FER: variants seen among roughly 807,000 people sequenced by gnomAD.
FER encodes the protein FER tyrosine kinase, also known as tyrosine-protein kinase Fer.
A neutral mutation model predicts 111.0 loss-of-function variants in FER; 63 were observed. The ratio of observed to expected loss-of-function variants is 0.57; its 90% CI spans 0.46 to 0.70. The LOEUF is 0.70. Among genes scored for constraint, FER ranks in the 30% least tolerant of loss-of-function variants. The pLI, the probability that FER is intolerant of heterozygous loss-of-function variation, is 0.00. For synonymous variants in FER, 327 were observed against 313.9 expected, an observed-to-expected ratio of 1.04 and a Z score of -0.44; for missense variants, 914 against 954.0, an observed-to-expected ratio of 0.96 and a Z score of 0.55.
intron 13 of FER, among the ~76,000 whole-genome samples, chr5:109,007,134 G>A (rs1765601768): frequency 6.6e-6 from 1 of 152,090 alleles, no homozygotes; most frequent in Non-Finnish European, 1.5e-5. Flanking sequence ...TAATTACATT[G>A]TCTATTGATA....
intron 13 of FER, among the ~76,000 whole-genome samples, chr5:109,001,512 C>A (rs1002486314): frequency 3.9e-5 from 6 of 152,198 alleles, no homozygotes; most frequent in Non-Finnish European, 8.8e-5. Flanking sequence ...CTATGACAAA[C>A]CCACTGCCAA....
At chr5:108,893,494 C>T (rs538180917) in intron 9 of FER, among the ~76,000 whole-genome samples, 2 of 151,952 alleles carry the variant, frequency 1.3e-5, no homozygotes, top group East Asian at 3.9e-4. Flanking sequence ...TCAGTACATT[C>T]TATCTTCCTA....
intron 2 of FER, among the ~76,000 whole-genome samples, chr5:108,785,919 G>C (rs1183031424): frequency 6.6e-6 from 1 of 152,200 alleles, no homozygotes; most frequent in Non-Finnish European, 1.5e-5. Flanking sequence ...ACCTTCCAGA[G>C]TTCTTCGTTT....
At chr5:109,055,497 G>A (rs900362378) in intron 16 of FER, among the ~76,000 whole-genome samples, 2 of 152,074 alleles carry the variant, frequency 1.3e-5, no homozygotes, top group African/African-American at 4.8e-5. Flanking sequence ...TTAAAGATGG[G>A]CAGAGGAGGC....
At chr5:108,911,042 T>C (rs1751476856) in intron 10 of FER, among the ~76,000 whole-genome samples, 1 of 152,156 alleles carries the variant, frequency 6.6e-6, no homozygotes, top group African/African-American at 2.4e-5. Context: ...TGAAAAATTC[T>C]CCATGTTGTT....
At chr5:109,019,483 A>G (rs1767643218) in intron 13 of FER, among the ~76,000 whole-genome samples, 1 of 151,828 alleles carries the variant, frequency 6.6e-6, no homozygotes, top group South Asian at 2.1e-4. Context: ...CCAAACCAGT[A>G]TCTGGTTAAA....
intron 16 of FER, 97 bp downstream of exon 16, chr5:109,047,295 C>G (rs143923416): frequency 4.4e-6 from 3 of 679,050 alleles, no homozygotes; most frequent in Admixed American, 6.3e-5. Context: ...CGTAAAGTCT[C>G]CAAGGATTTT....
intron 13 of FER, among the ~76,000 whole-genome samples, chr5:108,981,290 C>T (rs1328263358): frequency 1.3e-5 from 2 of 151,704 alleles, no homozygotes; most frequent in Non-Finnish European, 2.9e-5. Flanking sequence ...CTTAATTCCC[C>T]TAAAGGATTA....
chr5:109,182,916 A>C (rs1287764119), intron 18 of FER, among the ~76,000 whole-genome samples: 1 of 152,126 alleles, frequency 6.6e-6, no homozygotes, highest in African/African-American at 2.4e-5. Flanking sequence ...ATCATGGCTC[A>C]CTGCAACCTC....
intron 17 of FER, among the ~76,000 whole-genome samples, chr5:109,160,555 G>C (rs147077839): frequency 6.6e-6 from 1 of 151,998 alleles, no homozygotes; most frequent in Non-Finnish European, 1.5e-5. Context: ...ATTAAATTTC[G>C]GTTCTCTGTG....
At chr5:109,186,474 C>A (rs192526599) in intron 19 of FER, 152 bp downstream of exon 19, 2 of 1,118,282 alleles carry the variant, frequency 1.8e-6, no homozygotes, top group Admixed American at 2.2e-5. Context: ...TATCTAACAT[C>A]TCTGCTCTTT....
intron 5 of FER, among the ~76,000 whole-genome samples, chr5:108,854,846 A>G (rs933507426): frequency 1.0e-4 from 15 of 148,558 alleles, no homozygotes; most frequent in African/African-American, 3.7e-4. Flanking sequence ...AGGGAGGCTG[A>G]GGCACCAGAA....
At chr5:108,819,524 G>T (rs1758624365) in intron 3 of FER, among the ~76,000 whole-genome samples, 1 of 152,144 alleles carries the variant, frequency 6.6e-6, no homozygotes, top group South Asian at 2.1e-4. Context: ...TTTATAAGAT[G>T]AAGGTATTTT....
chr5:109,181,288 A>G (rs1044777345), intron 18 of FER, among the ~76,000 whole-genome samples: 1 of 152,182 alleles, frequency 6.6e-6, no homozygotes, highest in African/African-American at 2.4e-5. Context: ...TAAGTCAATC[A>G]GTTCTTTAGT....
intron 9 of FER, among the ~76,000 whole-genome samples, chr5:108,891,824 G>A (rs1282986995): frequency 7.9e-5 from 12 of 151,276 alleles, no homozygotes; most frequent in Admixed American, 5.9e-4. Flanking sequence ...CTTCCCCCAC[G>A]CAACAACAGG....
chr5:108,758,944 T>TC (rs1380636929), intron 1 of FER, among the ~76,000 whole-genome samples: 1 of 152,210 alleles, frequency 6.6e-6, no homozygotes, highest in Non-Finnish European at 1.5e-5. Context: ...TGTGTAAATT[T>TC]CTTGCTTATA....
chr5:108,902,381 C>T (rs554124216), intron 10 of FER, among the ~76,000 whole-genome samples: 40 of 152,100 alleles, frequency 2.6e-4, no homozygotes, highest in Non-Finnish European at 4.9e-4. Flanking sequence ...TAGATTAGAT[C>T]TTTATTTTCT....
rs559812396 is a variant in FER at position 108,931,647 on chromosome 5, T to C, written c.1237-14483T>C. 3.9e-5 allele frequency among the ~76,000 whole-genome samples: 6 copies of C among 152,222 alleles called. No individual in the cohort carries two copies. The East Asian group carries it at 1.2e-3, about 29-fold the overall frequency. ...GAGTTCGAGACCAGCCTGGCCAACA[T>C]GGTGAAACCCCGTCTCTACTAAAAA... On this transcript the variant is annotated intron_variant, in intron 10 of 19. Coordinates refer to ENST00000281092, the MANE Select transcript of FER (RefSeq NM_005246.4).
chr5:108,951,895 C>A (rs1757805486), intron 11 of FER, among the ~76,000 whole-genome samples: 2 of 152,004 alleles, frequency 1.3e-5, no homozygotes, highest in African/African-American at 4.8e-5. Context: ...TAGCCTGGAC[C>A]AGGGTAAGGA....
Sources: allele counts gnomAD v4.1 joint callset (sites outside exome capture counted in the v4.1 genomes callset), GRCh38; gene constraint gnomAD v4.1.1; transcripts MANE v1.5; gene names NCBI Gene and HGNC (gene_info 2026-07-23, HGNC 2026-07-21).